SDK1: variants seen among roughly 807,000 people sequenced by gnomAD.
SDK1 encodes the protein sidekick cell adhesion molecule 1, also known as protein sidekick-1.
A neutral mutation model predicts 245.5 loss-of-function variants in SDK1; 157 were observed. That is an observed-to-expected ratio of 0.64 (90% CI 0.56 to 0.73). SDK1 has a LOEUF of 0.73. Ranked by LOEUF, SDK1 falls within the 30% of genes least tolerant of loss-of-function variation. The pLI, the probability that SDK1 is intolerant of heterozygous loss-of-function variation, is 0.00. For synonymous variants in SDK1, 1,647 were observed against 1,278.5 expected (o/e 1.29, Z -6.15); for missense variants, 3,583 against 3,002.3 (o/e 1.19, Z -4.52).
At chr7:3,464,878 C>T (rs547384236) in intron 1 of SDK1, among the ~76,000 whole-genome samples, 1 of 151,966 alleles carries the variant, frequency 6.6e-6, no homozygotes, top group African/African-American at 2.4e-5. Flanking sequence ...TTAAATTTGT[C>T]CTTGGGAAAC....
chr7:4,192,739 C>G (rs915826402), intron 35 of SDK1, among the ~76,000 whole-genome samples: 9 of 151,970 alleles, frequency 5.9e-5, no homozygotes, highest in African/African-American at 1.9e-4. Flanking sequence ...CCCACAATAT[C>G]TCCAAGACCC....
At chr7:3,355,945 T>G (rs1329818747) in intron 1 of SDK1, among the ~76,000 whole-genome samples, 1 of 152,204 alleles carries the variant, frequency 6.6e-6, no homozygotes, top group African/African-American at 2.4e-5. Context: ...CCAGCATTCA[T>G]GGTATTTCTC....
chr7:3,374,273 C>T (rs1214617475), intron 1 of SDK1, among the ~76,000 whole-genome samples: 1 of 152,162 alleles, frequency 6.6e-6, no homozygotes, highest in African/African-American at 2.4e-5. Context: ...TGAAGTTTTC[C>T]ACTTGGGATA....
intron 1 of SDK1, among the ~76,000 whole-genome samples, chr7:3,321,835 T>TTC (rs560246031): frequency 1.8e-3 from 220 of 121,752 alleles, no homozygotes; most frequent in Middle Eastern, 3.8e-3. Flanking sequence ...CTTCCTCCTT[T>TTC]TCTCTCTCTC....
intron 5 of SDK1, among the ~76,000 whole-genome samples, chr7:3,880,099 C>G (rs1781170700): frequency 6.6e-6 from 1 of 152,138 alleles, no homozygotes; most frequent in Non-Finnish European, 1.5e-5. Context: ...TCTCTGTGCC[C>G]TTTGATAGTA....
At chr7:4,164,193 T>C (rs1412742355) in intron 32 of SDK1, among the ~76,000 whole-genome samples, 1 of 152,200 alleles carries the variant, frequency 6.6e-6, no homozygotes, top group African/African-American at 2.4e-5. Flanking sequence ...GAAAACAGCC[T>C]GGGCCCCACC....
At chr7:4,035,956 C>T (rs1261869506) in intron 17 of SDK1, among the ~76,000 whole-genome samples, 1 of 152,194 alleles carries the variant, frequency 6.6e-6, no homozygotes, top group African/African-American at 2.4e-5. Context: ...CAATCCGTAA[C>T]TATTCAATGC....
At chr7:3,874,785 C>T (rs984301897) in intron 5 of SDK1, among the ~76,000 whole-genome samples, 2 of 152,190 alleles carry the variant, frequency 1.3e-5, no homozygotes, top group Non-Finnish European at 2.9e-5. Context: ...AAGATTCTAG[C>T]AGTGCCTTAA....
At chr7:3,742,127 C>A (rs895558683) in intron 4 of SDK1, among the ~76,000 whole-genome samples, 1 of 149,192 alleles carries the variant, frequency 6.7e-6, no homozygotes, top group African/African-American at 2.5e-5. Context: ...GTATTAAATT[C>A]TCTGTTCCTC....
chr7:3,427,520 C>T (rs1331155774), intron 1 of SDK1, among the ~76,000 whole-genome samples: 1 of 119,190 alleles, frequency 8.4e-6, no homozygotes, highest in African/African-American at 4.1e-5. Context: ...GCTCCATCTC[C>T]CAAAAAAAAA....
chr7:3,937,862 G>T (rs139440999), intron 5 of SDK1, among the ~76,000 whole-genome samples: 2 of 152,104 alleles, frequency 1.3e-5, no homozygotes, highest in African/African-American at 2.4e-5. Context: ...CTTTGAGACA[G>T]AGTCTCACTC....
chr7:3,740,136 G>T lies in SDK1; in HGVS notation c.714-81314G>T, dbSNP rs543005081. Among the ~76,000 whole-genome samples the T allele has an allele frequency of 5.9e-5, 9 of 152,266 alleles. No homozygotes were observed. In the East Asian group the frequency reaches 1.7e-3, roughly 29 times the overall value. The stretch of plus-strand genomic sequence containing the variant: ...AGGCTTGCCTGCTATGTGCTGGCAG[G>T]CAGTTTACAACCCTCCACTTGCTTG... On this transcript the variant is annotated intron_variant, in intron 4 of 44. Transcript: ENST00000404826.
intron 1 of SDK1, among the ~76,000 whole-genome samples, chr7:3,474,091 G>GTT (rs869083123): frequency 0.044 from 1,924 of 43,246 alleles, 458 homozygotes; most frequent in African/African-American, 0.046. Context: ...ACCAGATGGT[G>GTT]TTTTTTTTTT....
intron 1 of SDK1, among the ~76,000 whole-genome samples, chr7:3,440,968 C>T (rs1329305498): frequency 6.6e-6 from 1 of 152,094 alleles, no homozygotes; most frequent in Non-Finnish European, 1.5e-5. Context: ...TGAGTTACAC[C>T]AAGTGAGGGA....
chr7:3,472,135 A>T lies in SDK1; in HGVS notation c.299-146945A>T, dbSNP rs138602895. ...CTTCCCACTGTGTTGTGGGTTGGTA[A>T]ATGCATAGTTCCCTCCATTACTTTT... On this transcript the variant is annotated intron_variant, in intron 1 of 44. Coordinates refer to ENST00000404826, the MANE Select transcript of SDK1 (RefSeq NM_152744.4). Among the ~76,000 whole-genome samples the T allele has an allele frequency of 9.9e-5, 15 of 152,144 alleles. No individual in the cohort carries two copies. The East Asian group carries it at 2.9e-3, about 29-fold the overall frequency.
At chr7:3,325,037 C>A (rs1779908255) in intron 1 of SDK1, among the ~76,000 whole-genome samples, 3 of 152,246 alleles carry the variant, frequency 2.0e-5, no homozygotes, top group South Asian at 4.2e-4. Flanking sequence ...TTCTCTGGAA[C>A]TGCATTTATC....
intron 5 of SDK1, among the ~76,000 whole-genome samples, chr7:3,887,985 T>C (rs17134013): frequency 0.074 from 11,195 of 152,308 alleles, 1,276 homozygotes; most frequent in African/African-American, 0.24. Context: ...AAGTGACCAC[T>C]ATGTAGTTCT....
intron 31 of SDK1, among the ~76,000 whole-genome samples, chr7:4,159,825 T>A (rs1257449800): frequency 6.6e-6 from 1 of 152,242 alleles, no homozygotes; most frequent in Non-Finnish European, 1.5e-5. Flanking sequence ...GTTATGACCT[T>A]GTACAATTTC....
chr7:3,574,681 T>G (rs954949643), intron 1 of SDK1, among the ~76,000 whole-genome samples: 2 of 152,158 alleles, frequency 1.3e-5, no homozygotes, highest in African/African-American at 4.8e-5. Flanking sequence ...TAAAGTAGTG[T>G]ATAAAGTAGC....
Sources: gnomAD v4.1 joint callset for allele counts (sites outside exome capture counted in the v4.1 genomes callset) on GRCh38, gnomAD v4.1.1 for gene constraint, MANE v1.5 for transcripts, NCBI Gene and HGNC (gene_info 2026-07-23, HGNC 2026-07-21) for gene names.